Variants in RGL4 observed in about 807,000 individuals in gnomAD.
The protein encoded by RGL4 is ral guanine nucleotide dissociation stimulator like 4, also known as ral-GDS-related protein.
A neutral mutation model predicts 49.6 loss-of-function variants in RGL4; 41 were observed. That is an observed-to-expected ratio of 0.83 (90% CI 0.64 to 1.07). The LOEUF (loss-of-function observed/expected upper bound fraction) is 1.07. RGL4 is among the 50% of genes least tolerant of loss of function. RGL4 has a pLI of 0.00. For missense variants in RGL4, 610 were observed against 591.9 expected (o/e 1.03, Z -0.32); for synonymous variants, 255 against 238.0 (o/e 1.07, Z -0.66).
intron 7 of RGL4, 87 bp downstream of exon 7, chr22:23,696,775 C>A: frequency 2.5e-6 from 3 of 1,191,626 alleles, no homozygotes; most frequent in Non-Finnish European, 3.6e-6. Flanking sequence ...CATATCAAGA[C>A]AGCGGGGGCT....
At position 23,695,082 on chromosome 22, in the gene RGL4, G is replaced by C. The variant is rs1023291989; in HGVS notation, c.1086+63G>C. The C allele has an allele frequency of 4.0e-6, 5 of 1,235,190 alleles. No individual in the cohort carries two copies. The African/African-American group carries it at 4.5e-5, about 11-fold the overall frequency. The allele number at this position is 1,235,190 out of a possible 1,614,324, so 76.5% of individuals were successfully genotyped here. A position where few individuals can be genotyped will look rare whatever the true frequency, so the allele number is the denominator to read the frequency against. ...AGGGTCAGAGAAAAGAGTGAGTTTG[G>C]AAGGGCATTGGACCAGGTGTCGAGT... is the stretch of plus-strand genomic sequence containing the variant. On this transcript the variant is annotated intron_variant, in intron 6 of 10. Coordinates refer to ENST00000290691, the MANE Select transcript of RGL4 (RefSeq NM_153615.2).
At position 23,699,001 on chromosome 22, in the gene RGL4, C is replaced by T. The variant is rs1329891533; in HGVS notation, c.*118C>T. The T allele has an allele frequency of 6.4e-7, 1 of 1,553,454 alleles. No individual in the cohort carries two copies. Among genetic ancestry groups the T allele is most frequent in the African/African-American group, 1.4e-5 (1 of 73,378 alleles). On this transcript the variant is annotated 3_prime_UTR_variant, in exon 11 of 11. Transcript: ENST00000290691. ...GGAACCACATCTAGGAGGCTGGCAG[C>T]TCAGCTGCATCTTGCCCTGGATCCT...
chr22:23,692,282 GGTT>G, intron 1 of RGL4, 50 bp from the exon 2 acceptor site: 2 of 1,608,524 alleles, frequency 1.2e-6, no homozygotes, highest in Non-Finnish European at 1.7e-6. Context: ...TGCCCTGGAG[GGTT>G]GTGTGGGAGA....
intron 10 of RGL4, 181 bp downstream of exon 10, chr22:23,698,514 C>A: frequency 2.7e-6 from 2 of 747,406 alleles, no homozygotes; most frequent in African/African-American, 3.4e-5. Context: ...CCGCTGTACA[C>A]CACCATGTCC....
Position 23,692,939 on chromosome 22 carries a change from T to C in RGL4, c.644T>C (p.Met215Thr), listed in dbSNP as rs911310940. The C allele has an allele frequency of 1.9e-6, 3 of 1,612,890 alleles. No homozygotes were observed. The highest frequency in any genetic ancestry group is 1.1e-5 in the South Asian group (1 of 91,070). ...CAACCCAGTGAGGAGCTGCCTGACA[T>C]GACGACCTTCCCTCCCAGGCTGCTG... ...KNQPSEELPD[M>T]TTFPPRLLAE... Residue 215 changes from methionine to threonine, a missense_variant, in exon 3 of 11, where the codon ATG becomes ACG. Transcript: ENST00000290691.
intron 9 of RGL4, 24 bp from the exon 10 acceptor site, chr22:23,698,188 C>G: frequency 3.1e-6 from 5 of 1,589,708 alleles, no homozygotes; most frequent in African/African-American, 1.3e-5. Flanking sequence ...CAGGCCCTGT[C>G]AGCATCCTGT....
Position 23,698,954 on chromosome 22 carries a change from T to C in RGL4, c.*71T>C, listed in dbSNP as rs771243567. The stretch of plus-strand genomic sequence containing the variant: ...CAGAACACCGGCTCTGCACCATCCC[T>C]CACCCAGACCGTAGACACCAGGGAA... On this transcript the variant is annotated 3_prime_UTR_variant, in exon 11 of 11. Coordinates refer to ENST00000290691, the MANE Select transcript of RGL4 (RefSeq NM_153615.2). 2 of 1,587,566 alleles carry C rather than the reference T, an allele frequency of 1.3e-6. No homozygotes were observed. Among genetic ancestry groups the C allele is most frequent in the South Asian group, 1.1e-5 (1 of 87,334 alleles).
In RGL4 at chr22:23,692,128, G is replaced by C. The variant is rs374466880; in HGVS notation, c.98G>C (p.Gly33Ala). Residue 33 changes from glycine to alanine, a missense_variant, in exon 1 of 11, where the codon GGG becomes GCG. Physicochemically the swap from Gly to Ala is moderately conservative, Grantham distance 60. Transcript: ENST00000290691. The part of the protein sequence containing the change: ...LQGLWEENVC[G>A]TPGRTRVCTA... Reference sequence around the variant, plus strand: ...GGCCTTTGGGAAGAGAATGTCTGTGGGACGCCAGGGCGCACGAGGGTCTGT... The same window carrying C: ...GGCCTTTGGGAAGAGAATGTCTGTGCGACGCCAGGGCGCACGAGGGTCTGT... 7.4e-6 allele frequency: 12 copies of C among 1,614,176 alleles called. No homozygotes were observed. The African/African-American group carries it at 1.6e-4, about 22-fold the overall frequency.
Position 23,692,321 on chromosome 22 carries a change from T to A in RGL4, c.180-14T>A. ...AGGCCAGGCCTCTGACTCAGCTGTC[T>A]ACTCCATCACCAGCACCATCACCTC... On this transcript the variant is annotated splice_polypyrimidine_tract_variant and intron_variant, in intron 1 of 10. Transcript: ENST00000290691. 1 of 1,613,492 alleles carries A rather than the reference T, an allele frequency of 6.2e-7. No individual in the cohort carries two copies. The highest frequency in any genetic ancestry group is 2.2e-5 in the East Asian group (1 of 44,870).
rs2123854312 is a variant in RGL4, at chr22:23,692,113, A to G, written c.83A>G (p.Glu28Gly). 6.2e-7 allele frequency: 1 copy of G among 1,614,078 alleles called. No homozygotes were observed. ...VYSAVLQGLWEENVCGTPGRT... is the reference protein window; with the variant it reads ...VYSAVLQGLWGENVCGTPGRT... ...AGTGCTGTGCTCCAGGGCCTTTGGG[A>G]AGAGAATGTCTGTGGGACGCCAGGG... is the stretch of plus-strand genomic sequence containing the variant. Residue 28 changes from glutamate to glycine, a missense_variant, in exon 1 of 11, where the codon GAA becomes GGA. Physicochemically the swap from Glu to Gly is moderately conservative, Grantham distance 98. Transcript: ENST00000290691.
At chr22:23,698,058 G>A in intron 9 of RGL4, 154 bp from the exon 10 acceptor site, 1 of 1,195,470 alleles carries the variant, frequency 8.4e-7, no homozygotes, top group Non-Finnish European at 1.2e-6. Context: ...TGCAGGAGGG[G>A]CTGTTTATAT....
At position 23,696,623 on chromosome 22, in the gene RGL4, T is replaced by C. The variant is rs762921252; in HGVS notation, c.1096T>C (p.Phe366Leu). ...KRDLLIKAGS[F>L]KVATQERNPQ... ...CGCTGACACCTGGCAGGCGGGGAGC[T>C]TTAAGGTGGCCACCCAGGAGAGGAA... The change falls in exon 7 of 11, where the codon TTT becomes CTT. Residue 366 changes from phenylalanine to leucine, a missense_variant. Physicochemically the swap from Phe to Leu is conservative, Grantham distance 22. Coordinates refer to ENST00000290691, the MANE Select transcript of RGL4 (RefSeq NM_153615.2). 3.7e-6 allele frequency: 6 copies of C among 1,613,530 alleles called. No homozygotes were observed. Among genetic ancestry groups the C allele is most frequent in the African/African-American group, 1.3e-5 (1 of 74,864 alleles).
chr22:23,696,071 A>G (rs1055587665), intron 6 of RGL4, among the ~76,000 whole-genome samples: 1 of 152,164 alleles, frequency 6.6e-6, no homozygotes, highest in Non-Finnish European at 1.5e-5. Flanking sequence ...CTAGACACTC[A>G]AAGACTCCAG....
At chr22:23,698,069 C>A in intron 9 of RGL4, 143 bp from the exon 10 acceptor site, 1 of 1,260,368 alleles carries the variant, frequency 7.9e-7, no homozygotes, top group Non-Finnish European at 1.1e-6. Flanking sequence ...CTGTTTATAT[C>A]CAACTCTGAG....
intron 6 of RGL4, chr22:23,695,457 C>T (rs867236933): frequency 5.0e-6 from 3 of 604,314 alleles, no homozygotes; most frequent in Admixed American, 2.3e-5. Context: ...GCTGCTGCTG[C>T]TGCTGCTGCT....
chr22:23,691,736 A>T lies in RGL4; in HGVS notation c.-295A>T, dbSNP rs757798024. On this transcript the variant is annotated 5_prime_UTR_variant, in exon 1 of 11. Coordinates refer to ENST00000290691, the MANE Select transcript of RGL4 (RefSeq NM_153615.2). ...TTTTCACCCACAAAACATGGGGGAA[A>T]ATATGTGGACTCTGGCTGGGGAGAG... The T allele has an allele frequency of 9.7e-6, 3 of 310,828 alleles. No individual in the cohort carries two copies. Among genetic ancestry groups the T allele is most frequent in the African/African-American group, 2.1e-5 (1 of 48,236 alleles). 19.3% of individuals were successfully genotyped at this position (310,828 alleles called of 1,614,324 possible).
At position 23,693,991 on chromosome 22, in the gene RGL4, C is replaced by T; in HGVS notation, c.912+17C>T. Reference sequence around the variant, plus strand: ...GTGGCCAGGGTAAGCTATGGTTGGGCCTGGGGATTCCCTCTTTAAAAATGG... The same window carrying T: ...GTGGCCAGGGTAAGCTATGGTTGGGTCTGGGGATTCCCTCTTTAAAAATGG... On this transcript the variant is annotated intron_variant, in intron 4 of 10. Transcript: ENST00000290691. The T allele has an allele frequency of 1.2e-6, 2 of 1,605,866 alleles. No individual in the cohort carries two copies. Among genetic ancestry groups the T allele is most frequent in the Non-Finnish European group, 1.7e-6 (2 of 1,173,642 alleles).
chr22:23,693,210 C>A, intron 3 of RGL4: 2 of 806,628 alleles, frequency 2.5e-6, no homozygotes, highest in Non-Finnish European at 3.8e-6. Flanking sequence ...ACTGTGCAGA[C>A]TGAGTGACAG....
chr22:23,698,137 C>T (rs1164562265), intron 9 of RGL4, 75 bp from the exon 10 acceptor site: 6 of 1,559,214 alleles, frequency 3.8e-6, no homozygotes, highest in Non-Finnish European at 5.2e-6. Context: ...GGACCAGCCC[C>T]TTCTCCCTGC....
Sources: allele counts gnomAD v4.1 joint callset (sites outside exome capture counted in the v4.1 genomes callset), GRCh38; gene constraint gnomAD v4.1.1; transcripts MANE v1.5; gene names NCBI Gene and HGNC (gene_info 2026-07-23, HGNC 2026-07-21).